Variants in PTPRO observed in about 807,000 individuals in gnomAD.
PTPRO encodes receptor-type tyrosine-protein phosphatase O.
A neutral mutation model predicts 145.2 loss-of-function variants in PTPRO; 62 were observed. The observed-to-expected ratio is 0.43, with a 90% CI of 0.35 to 0.53. The LOEUF (loss-of-function observed/expected upper bound fraction) is 0.53, where lower values mean the gene tolerates loss of function less well. Ranked by LOEUF, PTPRO falls within the 20% of genes least tolerant of loss-of-function variation. PTPRO has a pLI of 0.01. For missense variants in PTPRO, 1,345 were observed against 1,482.7 expected, an observed-to-expected ratio of 0.91 and a Z score of 1.53; for synonymous variants, 565 against 514.7, an observed-to-expected ratio of 1.10 and a Z score of -1.32.
In PTPRO at chr12:15,468,540, A is replaced by G. The variant is rs116834447; in HGVS notation, c.76-15434A>G. ...TCATCAGGTCAACTCTTACCAGCCC[A>G]TAGGTCTCTGCCTAACTAGCACTTA... is the stretch of plus-strand genomic sequence containing the variant. On this transcript the variant is annotated intron_variant, in intron 1 of 26. Transcript: ENST00000281171. 4.1e-3 allele frequency among the ~76,000 whole-genome samples: 624 copies of G among 152,336 alleles called. 5 individuals carry two copies. Among genetic ancestry groups the G allele is most frequent in the African/African-American group, 0.014 (590 of 41,586 alleles).
At chr12:15,346,613 A>C (rs1189277507) in intron 1 of PTPRO, 1 of 152,232 alleles carries the variant, frequency 6.6e-6, no homozygotes, top group African/African-American at 2.4e-5. Context: ...GTTTCTCAAG[A>C]ATACCGAATG....
At chr12:15,402,752 G>A (rs1174714407) in intron 1 of PTPRO, among the ~76,000 whole-genome samples, 3 of 152,040 alleles carry the variant, frequency 2.0e-5, no homozygotes, top group African/African-American at 7.2e-5. Flanking sequence ...TAATGCTTTA[G>A]TTATTCTAAC....
intron 19 of PTPRO, among the ~76,000 whole-genome samples, chr12:15,574,518 C>T (rs1197308618): frequency 6.6e-6 from 1 of 152,192 alleles, no homozygotes; most frequent in East Asian, 1.9e-4. Context: ...AACTACAGAA[C>T]TGGCCATGCA....
chr12:15,433,097 A>G (rs1361167130), intron 1 of PTPRO, among the ~76,000 whole-genome samples: 1 of 151,824 alleles, frequency 6.6e-6, no homozygotes, highest in African/African-American at 2.4e-5. Context: ...TGTCTTCACC[A>G]TGAAATCTTT....
intron 1 of PTPRO, among the ~76,000 whole-genome samples, chr12:15,419,261 G>T (rs902105318): frequency 4.6e-5 from 7 of 150,702 alleles, no homozygotes; most frequent in African/African-American, 7.4e-5. Flanking sequence ...GGAGCATTTT[G>T]GGGGCGGGGG....
At chr12:15,518,559 A>C (rs1455334399) in intron 9 of PTPRO, among the ~76,000 whole-genome samples, 1 of 152,274 alleles carries the variant, frequency 6.6e-6, no homozygotes, top group East Asian at 1.9e-4. Context: ...TCAAGCTGCA[A>C]ATTTTCCAAA....
intron 1 of PTPRO, among the ~76,000 whole-genome samples, chr12:15,324,332 T>C (rs1197215631): frequency 3.9e-5 from 6 of 152,206 alleles, no homozygotes; most frequent in Admixed American, 3.3e-4. Context: ...TTCTTCATAA[T>C]GAGATAATTC....
intron 1 of PTPRO, among the ~76,000 whole-genome samples, chr12:15,372,783 T>C (rs558927402): frequency 6.6e-6 from 1 of 152,304 alleles, no homozygotes; most frequent in South Asian, 2.1e-4. Flanking sequence ...AAATAATTAT[T>C]ATTATGAAAT....
chr12:15,380,785 CT>C (rs1270911578), intron 1 of PTPRO, among the ~76,000 whole-genome samples: 1 of 152,068 alleles, frequency 6.6e-6, no homozygotes, highest in African/African-American at 2.4e-5. Context: ...TTTTTATTGA[CT>C]TTTCATTGTA....
intron 1 of PTPRO, among the ~76,000 whole-genome samples, chr12:15,465,342 G>A (rs1054820972): frequency 5.9e-5 from 9 of 152,206 alleles, no homozygotes; most frequent in Admixed American, 2.6e-4. Flanking sequence ...GAAGATGAAC[G>A]TGCAAAATGT....
At chr12:15,549,427 G>A (rs1332082916) in intron 14 of PTPRO, among the ~76,000 whole-genome samples, 1 of 151,876 alleles carries the variant, frequency 6.6e-6, no homozygotes, top group African/African-American at 2.4e-5. Flanking sequence ...CTGTAAAATT[G>A]GAATAATAAT....
intron 15 of PTPRO, among the ~76,000 whole-genome samples, chr12:15,555,543 C>T (rs900654362): frequency 3.9e-5 from 6 of 152,038 alleles, no homozygotes; most frequent in Non-Finnish European, 7.4e-5. Flanking sequence ...AATAACATAG[C>T]GTAATACTCA....
chr12:15,355,641 G>A (rs1430595804), intron 1 of PTPRO, among the ~76,000 whole-genome samples: 3 of 152,138 alleles, frequency 2.0e-5, no homozygotes, highest in Non-Finnish European at 4.4e-5. Context: ...GGAAATGCTT[G>A]AAATTTTGCC....
chr12:15,442,198 A>G (rs144179333), intron 1 of PTPRO, among the ~76,000 whole-genome samples: 1 of 152,202 alleles, frequency 6.6e-6, no homozygotes, highest in Non-Finnish European at 1.5e-5. Flanking sequence ...GATTCAATGT[A>G]CACAAATCAA....
intron 1 of PTPRO, among the ~76,000 whole-genome samples, chr12:15,434,447 T>C (rs776249424): frequency 2.0e-5 from 3 of 152,140 alleles, no homozygotes; most frequent in African/African-American, 4.8e-5. Flanking sequence ...CCAGGGTGAA[T>C]GGTAAAGTAG....
chr12:15,375,761 A>C (rs1842183), intron 1 of PTPRO, among the ~76,000 whole-genome samples: 2 of 75,712 alleles, frequency 2.6e-5, no homozygotes, highest in East Asian at 4.0e-4. Context: ...GTCCCCCACC[A>C]AAAAAAAAAA....
At position 15,414,575 on chromosome 12, in the gene PTPRO, T is replaced by C. The variant is rs184591309; in HGVS notation, c.76-69399T>C. ...GTTTGTTTTATAGAGGTGTGCCCTTTCTGTTGAGTATCTTTCTAAGAGCCA... is the reference window on the plus strand; with the variant it reads ...GTTTGTTTTATAGAGGTGTGCCCTTCCTGTTGAGTATCTTTCTAAGAGCCA... On this transcript the variant is annotated intron_variant, in intron 1 of 26. Coordinates refer to ENST00000281171, the MANE Select transcript of PTPRO (RefSeq NM_030667.3). 9.2e-4 allele frequency among the ~76,000 whole-genome samples: 140 copies of C among 152,358 alleles called. 1 individual carries two copies. Among genetic ancestry groups the C allele is most frequent in the African/African-American group, 3.3e-3 (136 of 41,578 alleles).
chr12:15,569,622 T>C (rs1591750495), intron 19 of PTPRO, 124 bp downstream of exon 19: 2 of 812,776 alleles, frequency 2.5e-6, no homozygotes, highest in East Asian at 5.2e-5. Flanking sequence ...GGCCTGGGGA[T>C]TGCTGATCTG....
chr12:15,329,895 C>T (rs1272341295), intron 1 of PTPRO, among the ~76,000 whole-genome samples: 2 of 152,092 alleles, frequency 1.3e-5, no homozygotes, highest in East Asian at 1.9e-4. Context: ...AGCATAGGTA[C>T]GAGTTAGGTT....
Sources: allele counts gnomAD v4.1 joint callset (sites outside exome capture counted in the v4.1 genomes callset), GRCh38; gene constraint gnomAD v4.1.1; transcripts MANE v1.5; gene names NCBI Gene and HGNC (gene_info 2026-07-23, HGNC 2026-07-21).